The following CALN1 variants were observed in gnomAD, a reference collection of about 807,000 sequenced individuals.
CALN1 encodes calneuron 1.
CALN1 carries 17 observed loss-of-function variants against 30.6 expected under a neutral mutation model. That is an observed-to-expected ratio of 0.56 (90% CI 0.38 to 0.83). The LOEUF (loss-of-function observed/expected upper bound fraction) is 0.83. Among genes scored for constraint, CALN1 ranks in the 40% least tolerant of loss-of-function variants. The pLI is 0.00. For synonymous variants in CALN1, 156 were observed against 131.4 expected (o/e 1.19, Z -1.28); for missense variants, 291 against 354.9 (o/e 0.82, Z 1.45).
intron 3 of CALN1, among the ~76,000 whole-genome samples, chr7:72,132,807 T>A (rs1809246330): frequency 6.6e-6 from 1 of 151,978 alleles, no homozygotes; most frequent in Non-Finnish European, 1.5e-5. Context: ...AAAGTTAAAG[T>A]AGGGGTCCCC....
Position 72,278,893 on chromosome 7 carries a change from T to A in CALN1, c.120-83A>T, listed in dbSNP as rs1797544377. 7 of 1,512,754 alleles carry A rather than the reference T, an allele frequency of 4.6e-6. No individual in the cohort carries two copies. The Admixed American group carries it at 9.2e-5, about 20-fold the overall frequency. The allele number at this position is 1,512,754 out of a possible 1,614,324, so 93.7% of individuals were successfully genotyped here. On this transcript the variant is annotated intron_variant, in intron 2 of 6. Transcript: ENST00000395275. ...TCCTTTCTTAAAGGACCATCTGATT[T>A]TCAGATGGCCAGTGTCATTTTAAAA...
intron 5 of CALN1, among the ~76,000 whole-genome samples, chr7:72,000,870 T>A (rs902942381): frequency 2.6e-5 from 4 of 152,166 alleles, no homozygotes; most frequent in African/African-American, 2.4e-5. Context: ...CAGGCAGACA[T>A]CAGCAGGGCC....
At chr7:72,211,246 G>A (rs1792372806) in intron 3 of CALN1, among the ~76,000 whole-genome samples, 1 of 151,992 alleles carries the variant, frequency 6.6e-6, no homozygotes, top group East Asian at 1.9e-4. Flanking sequence ...TTCCTTTCCA[G>A]GCTCCAGAGA....
At chr7:72,327,311 T>C (rs1801349132) in intron 2 of CALN1, among the ~76,000 whole-genome samples, 1 of 152,110 alleles carries the variant, frequency 6.6e-6, no homozygotes, top group Non-Finnish European at 1.5e-5. Context: ...CTGGCCAGTA[T>C]GGTGAAACCC....
chr7:72,377,812 A>C (rs1163920047), intron 2 of CALN1, among the ~76,000 whole-genome samples: 1 of 152,086 alleles, frequency 6.6e-6, no homozygotes, highest in East Asian at 1.9e-4. Context: ...AGTGTGACAT[A>C]GTCTTCACTT....
intron 5 of CALN1, among the ~76,000 whole-genome samples, chr7:71,941,350 CAAAA>C (rs397759526): frequency 7.8e-6 from 1 of 128,478 alleles, no homozygotes. Context: ...GACTGCATCT[CAAAA>C]AAAAAAAAAA....
chr7:71,829,040 C>T (rs909228505), intron 5 of CALN1, among the ~76,000 whole-genome samples: 4 of 152,054 alleles, frequency 2.6e-5, no homozygotes, highest in African/African-American at 7.2e-5. Context: ...CCACCGCGCC[C>T]GGCCACATAT....
chr7:72,176,872 G>C (rs1392930944), intron 3 of CALN1, among the ~76,000 whole-genome samples: 3 of 152,052 alleles, frequency 2.0e-5, no homozygotes, highest in Non-Finnish European at 4.4e-5. Flanking sequence ...CTTTCTGTTG[G>C]CCCAAGAACA....
chr7:72,138,998 A>G (rs1273762081), intron 3 of CALN1, among the ~76,000 whole-genome samples: 1 of 152,190 alleles, frequency 6.6e-6, no homozygotes, highest in African/African-American at 2.4e-5. Context: ...GTTCAATCTC[A>G]AAAATTCATC....
upstream of CALN1, among the ~76,000 whole-genome samples, chr7:72,451,204 A>G (rs1808649848): frequency 8.1e-6 from 1 of 123,976 alleles, no homozygotes; most frequent in South Asian, 2.7e-4. Context: ...AAGAAGAAGA[A>G]GAAGAAGGAG....
At chr7:72,067,327 C>T (rs1584872908) in intron 4 of CALN1, among the ~76,000 whole-genome samples, 1 of 152,112 alleles carries the variant, frequency 6.6e-6, no homozygotes, top group Admixed American at 6.5e-5. Context: ...CTGCAGCCTC[C>T]ACCTTCCAGG....
chr7:72,049,400 T>C (rs1004336418), intron 4 of CALN1, among the ~76,000 whole-genome samples: 1 of 152,230 alleles, frequency 6.6e-6, no homozygotes, highest in Non-Finnish European at 1.5e-5. Context: ...TTTCATGTGC[T>C]ATCAATCACT....
chr7:72,205,009 G>GAT (rs969596080), intron 3 of CALN1, among the ~76,000 whole-genome samples: 2 of 151,938 alleles, frequency 1.3e-5, no homozygotes, highest in African/African-American at 4.8e-5. Flanking sequence ...GCCAACAATG[G>GAT]ATATCTACTT....
rs369914375 is a variant in CALN1, at chr7:72,023,061, C to A, written c.501+596G>T. Among the ~76,000 whole-genome samples the A allele has an allele frequency of 7.9e-5, 12 of 151,906 alleles. No individual in the cohort carries two copies. The East Asian group carries it at 1.7e-3, about 22-fold the overall frequency. ...ATTTTTTAAAATAATGATTGATAAC[C>A]CACTCCCTAAATTTTATAATCATAA... On this transcript the variant is annotated intron_variant, in intron 5 of 6. Coordinates refer to ENST00000395275, the MANE Select transcript of CALN1 (RefSeq NM_031468.4).
intron 3 of CALN1, among the ~76,000 whole-genome samples, chr7:72,241,135 T>A (rs1452585544): frequency 1.3e-5 from 2 of 152,218 alleles, no homozygotes; most frequent in African/African-American, 4.8e-5. Context: ...ATTTGCTGAA[T>A]TTGAATAGTT....
chr7:72,333,438 C>T (rs377675873), intron 2 of CALN1, among the ~76,000 whole-genome samples: 3 of 152,354 alleles, frequency 2.0e-5, no homozygotes, highest in East Asian at 3.9e-4. Context: ...TCCTTTTCCT[C>T]CTTCCGAACC....
At chr7:72,255,888 G>A (rs7778928) in intron 3 of CALN1, among the ~76,000 whole-genome samples, 54,346 of 151,774 alleles carry the variant, frequency 0.36, 10,682 homozygotes, top group Middle Eastern at 0.55. Flanking sequence ...GCACCAGCAC[G>A]CTGGCTAATT....
chr7:72,125,954 C>A (rs188143773), intron 3 of CALN1, among the ~76,000 whole-genome samples: 29 of 152,168 alleles, frequency 1.9e-4, no homozygotes, highest in Non-Finnish European at 3.1e-4. Flanking sequence ...CGCGTGCCAC[C>A]ACGCCCAGCT....
intron 4 of CALN1, among the ~76,000 whole-genome samples, chr7:72,098,295 A>C (rs1282503790): frequency 6.6e-6 from 1 of 152,176 alleles, no homozygotes; most frequent in Non-Finnish European, 1.5e-5. Flanking sequence ...TGGAAGAGTG[A>C]CCACAAGAGA....
Sources: allele counts gnomAD v4.1 joint callset (sites outside exome capture counted in the v4.1 genomes callset), GRCh38; gene constraint gnomAD v4.1.1; transcripts MANE v1.5; gene names NCBI Gene and HGNC (gene_info 2026-07-23, HGNC 2026-07-21).